PIGZ: variants seen among roughly 807,000 people sequenced by gnomAD.
PIGZ encodes phosphatidylinositol glycan anchor biosynthesis class Z (Gwada blood group), also known as GPI alpha-1,2-mannosyltransferase 4.
A neutral mutation model predicts 16.4 loss-of-function variants in PIGZ; 16 were observed. That is an observed-to-expected ratio of 0.97 (90% CI 0.66 to 1.48). PIGZ has a LOEUF of 1.48. PIGZ is among the 40% of genes most tolerant of loss of function. PIGZ has a pLI of 0.00. For synonymous variants in PIGZ, 409 were observed against 338.4 expected (o/e 1.21, Z -2.29); for missense variants, 770 against 739.2 (o/e 1.04, Z -0.48).
rs1717304668 is a variant in PIGZ, at chr3:196,951,964, A to G, written c.68T>C (p.Val23Ala). ...AGTSFQVLGP[V>A]CWQQLDLKMA... ...CTTCAGATCCAGTTGTTGCCAACAC[A>G]CCGGGCCCAAAACCTGGAATGATGT... The change falls in exon 2 of 3, where the codon GTG (valine) becomes GCG (alanine). Residue 23 changes from valine to alanine, a missense_variant. Val to Ala is a moderately conservative substitution (Grantham distance 64). Transcript: ENST00000412723. 1 of 1,614,064 alleles carries G rather than the reference A, an allele frequency of 6.2e-7. No homozygotes were observed. Among genetic ancestry groups the G allele is most frequent in the Non-Finnish European group, 8.5e-7 (1 of 1,180,040 alleles).
intron 1 of PIGZ, among the ~76,000 whole-genome samples, chr3:196,961,876 C>T (rs1190879846): frequency 6.6e-6 from 1 of 152,160 alleles, no homozygotes; most frequent in African/African-American, 2.4e-5. Flanking sequence ...ACCATCACCA[C>T]AGTCAGTTTT....
intron 2 of PIGZ, among the ~76,000 whole-genome samples, chr3:196,948,918 C>T (rs13062989): frequency 0.011 from 404 of 37,602 alleles, 55 homozygotes; most frequent in Non-Finnish European, 0.016. Flanking sequence ...CCCCTCCCTT[C>T]CCTTCCTTCC....
rs1402117938 is a variant in PIGZ at position 196,965,856 on chromosome 3, C to G, written c.-1+2831G>C. Among the ~76,000 whole-genome samples, 1 of 152,086 alleles carries G rather than the reference C, an allele frequency of 6.6e-6. No individual in the cohort carries two copies. The highest frequency in any genetic ancestry group is 1.5e-5 in the Non-Finnish European group (1 of 68,018). ...AAGCATGACCTGGAGTAGACTGCAC[C>G]GCCATCCGCCTCTCCACTTTCCCTC... On this transcript the variant is annotated intron_variant, in intron 1 of 2. Transcript: ENST00000412723. The surrounding 1 kb of genome is among the most constrained non-coding windows in gnomAD (Gnocchi z 4.2).
intron 1 of PIGZ, among the ~76,000 whole-genome samples, chr3:196,956,735 A>T (rs1717504848): frequency 6.6e-6 from 1 of 152,102 alleles, no homozygotes; most frequent in Non-Finnish European, 1.5e-5. Context: ...CTGTATCTAG[A>T]TGTTAAACCT....
intron 1 of PIGZ, among the ~76,000 whole-genome samples, chr3:196,952,655 C>G (rs984720154): frequency 2.6e-5 from 4 of 152,186 alleles, no homozygotes; most frequent in African/African-American, 9.7e-5. Flanking sequence ...TGAGGCTGGT[C>G]TTGAACTCCT....
Position 196,948,489 on chromosome 3 carries a change from A to T in PIGZ, c.408T>A (p.Leu136=). The part of the protein sequence containing the change: ...LVGPRLLLTA[L]SFALDGAVYH... ...ACACGGCCCCGTCCAGAGCAAAGGAAAGGGCAGTGAGGAGGAGTCGAGGCC... is the reference window on the plus strand; with the variant it reads ...ACACGGCCCCGTCCAGAGCAAAGGATAGGGCAGTGAGGAGGAGTCGAGGCC... Residue 136 remains leucine, a synonymous_variant, in exon 3 of 3, where the codon CTT becomes CTA. Coordinates refer to ENST00000412723, the MANE Select transcript of PIGZ (RefSeq NM_025163.4). The T allele has an allele frequency of 6.2e-7, 1 of 1,613,668 alleles. No homozygotes were observed. Among genetic ancestry groups the T allele is most frequent in the Non-Finnish European group, 8.5e-7 (1 of 1,179,804 alleles).
intron 1 of PIGZ, among the ~76,000 whole-genome samples, chr3:196,952,975 A>G (rs750552138): frequency 2.8e-4 from 42 of 152,146 alleles, no homozygotes; most frequent in Admixed American, 4.6e-4. Context: ...TCAAGCTCTC[A>G]GGCCGTCGGA....
rs778744915 is a variant in PIGZ at position 196,947,351 on chromosome 3, G to A, written c.1546C>T (p.Leu516Phe). The stretch of plus-strand genomic sequence containing the variant: ...GGGGTTACCACAAAGAGGCGGCAGA[G>A]CCATGGCCCACCAGCCACTTGGCAG... Reference protein sequence around the residue: ...PACQVAGGPWLCRLFVVTPGT... With the variant: ...PACQVAGGPWFCRLFVVTPGT... The change falls in exon 3 of 3, where the codon CTC becomes TTC. Residue 516 changes from leucine (L) to phenylalanine (F), a missense_variant. Coordinates refer to ENST00000412723, the MANE Select transcript of PIGZ (RefSeq NM_025163.4). 6.2e-7 allele frequency: 1 copy of A among 1,614,202 alleles called. No homozygotes were observed. The highest frequency in any genetic ancestry group is 1.1e-5 in the South Asian group (1 of 91,088).
chr3:196,947,488 C>G lies in PIGZ; in HGVS notation c.1409G>C (p.Arg470Pro), dbSNP rs147904272. The stretch of plus-strand genomic sequence containing the variant: ...CAGGCCTGGGAGGTGTAGGAGGTGC[C>G]GGGGGGGCATGTAGGTGTGAGTGAA... ...LLFTHTYMPP[R>P]HLLHLPGLGA... is the part of the protein sequence containing the mutation. Residue 470 changes from arginine to proline, a missense_variant, in exon 3 of 3, where the codon CGG (arginine) becomes CCG (proline). Physicochemically the swap from Arg to Pro is moderately radical, Grantham distance 103. Coordinates refer to ENST00000412723, the MANE Select transcript of PIGZ (RefSeq NM_025163.4). 6.2e-7 allele frequency: 1 copy of G among 1,613,328 alleles called. No individual in the cohort carries two copies. Among genetic ancestry groups the G allele is most frequent in the Admixed American group, 1.7e-5 (1 of 59,998 alleles).
At chr3:196,950,319 C>A (rs1456969794) in intron 2 of PIGZ, among the ~76,000 whole-genome samples, 1 of 152,158 alleles carries the variant, frequency 6.6e-6, no homozygotes, top group Non-Finnish European at 1.5e-5. Context: ...AAGAATATAT[C>A]CAAGTAGTAC....
Position 196,947,778 on chromosome 3 carries a change from G to T in PIGZ, c.1119C>A (p.Leu373=), listed in dbSNP as rs141627087. 3 of 1,608,918 alleles carry T rather than the reference G, an allele frequency of 1.9e-6. No individual in the cohort carries two copies. The African/African-American group carries it at 4.0e-5, about 22-fold the overall frequency. Residue 373 remains leucine, a synonymous_variant, in exon 3 of 3, where the codon CTC becomes CTA. Coordinates refer to ENST00000412723, the MANE Select transcript of PIGZ (RefSeq NM_025163.4). ...LSSPRSYLLL[L]YFMPLALLSA... is the part of the protein sequence containing the mutation. ...ATAGCAGGGCCAGAGGCATGAAGTA[G>T]AGGAGAAGGAGATAGGACCTGGGGC...
Position 196,947,465 on chromosome 3 carries a change from G to T in PIGZ, c.1432C>A (p.Leu478Met). Reference protein sequence around the residue: ...PPRHLLHLPGLGAPVEVVDMG... With the variant: ...PPRHLLHLPGMGAPVEVVDMG... Reference sequence around the variant, plus strand: ...TCCACCACCTCCACTGGTGCCCCCAGGCCTGGGAGGTGTAGGAGGTGCCGG... The same window carrying T: ...TCCACCACCTCCACTGGTGCCCCCATGCCTGGGAGGTGTAGGAGGTGCCGG... The change falls in exon 3 of 3, where the codon CTG becomes ATG. Residue 478 changes from leucine (L) to methionine (M), a missense_variant. Coordinates refer to ENST00000412723, the MANE Select transcript of PIGZ (RefSeq NM_025163.4). 1 of 1,613,688 alleles carries T rather than the reference G, an allele frequency of 6.2e-7. No homozygotes were observed. Among genetic ancestry groups the T allele is most frequent in the Non-Finnish European group, 8.5e-7 (1 of 1,179,996 alleles).
rs188640263 is a variant in PIGZ at position 196,965,958 on chromosome 3, G to A, written c.-1+2729C>T. On this transcript the variant is annotated intron_variant, in intron 1 of 2. Transcript: ENST00000412723. The surrounding 1 kb of genome is among the most constrained non-coding windows in gnomAD (Gnocchi z 4.2). ...CCTGTGAGAAACCTCTGGATGGGGG[G>A]CCATCCCCTCACCACCCTGAGGACC... 2.2e-4 allele frequency among the ~76,000 whole-genome samples: 33 copies of A among 152,258 alleles called. No individual in the cohort carries two copies. Among genetic ancestry groups the A allele is most frequent in the African/African-American group, 5.5e-4 (23 of 41,536 alleles).
At position 196,954,112 on chromosome 3, in the gene PIGZ, G is replaced by A. The variant is rs183036518; in HGVS notation, c.1-2081C>T. ...AGCCTGGCCAACATGGCAAAAACCT[G>A]TCTTTACCAAAAAAATACAAAATTT... On this transcript the variant is annotated intron_variant, in intron 1 of 2. Transcript: ENST00000412723. Among the ~76,000 whole-genome samples the A allele has an allele frequency of 1.2e-3, 183 of 152,110 alleles. 1 individual carries two copies. The highest frequency in any genetic ancestry group is 4.1e-3 in the African/African-American group (170 of 41,482).
At chr3:196,952,781 G>A (rs1055549741) in intron 1 of PIGZ, among the ~76,000 whole-genome samples, 2 of 152,200 alleles carry the variant, frequency 1.3e-5, no homozygotes, top group Non-Finnish European at 2.9e-5. Flanking sequence ...AGCTGCACCA[G>A]TGTGGGTGGG....
At chr3:196,960,725 A>AAAGT (rs1560188747) in intron 1 of PIGZ, among the ~76,000 whole-genome samples, 1 of 44,490 alleles carries the variant, frequency 2.2e-5, no homozygotes, top group African/African-American at 8.4e-5. Flanking sequence ...GGAAAGAAAG[A>AAAGT]AAAGAAAGAA....
At chr3:196,957,956 G>C (rs888699315) in intron 1 of PIGZ, among the ~76,000 whole-genome samples, 2 of 152,164 alleles carry the variant, frequency 1.3e-5, no homozygotes, top group Non-Finnish European at 2.9e-5. Context: ...CTGTCAAATG[G>C]CATGCAATAT....
In PIGZ at chr3:196,947,781, G is replaced by C. The variant is rs771858045; in HGVS notation, c.1116C>G (p.Leu372=). 1.2e-6 allele frequency: 2 copies of C among 1,609,378 alleles called. No individual in the cohort carries two copies. Among genetic ancestry groups the C allele is most frequent in the Non-Finnish European group, 1.7e-6 (2 of 1,177,452 alleles). ...LLSSPRSYLL[L]LYFMPLALLS... is the part of the protein sequence containing the mutation. ...GCAGGGCCAGAGGCATGAAGTAGAGGAGAAGGAGATAGGACCTGGGGCTGG... is the reference window on the plus strand; with the variant it reads ...GCAGGGCCAGAGGCATGAAGTAGAGCAGAAGGAGATAGGACCTGGGGCTGG... The change falls in exon 3 of 3, where the codon CTC becomes CTG. Residue 372 remains leucine, a synonymous_variant. Transcript: ENST00000412723.
At chr3:196,959,183 A>G (rs569829294) in intron 1 of PIGZ, among the ~76,000 whole-genome samples, 3 of 152,096 alleles carry the variant, frequency 2.0e-5, no homozygotes, top group African/African-American at 7.2e-5. Flanking sequence ...GCTGTCCTCT[A>G]TCTCACCCTC....
Sources: allele counts gnomAD v4.1 joint callset (sites outside exome capture counted in the v4.1 genomes callset), GRCh38; gene constraint gnomAD v4.1.1; non-coding constraint Gnocchi (gnomAD v3.1); transcripts MANE v1.5; gene names NCBI Gene and HGNC (gene_info 2026-07-23, HGNC 2026-07-21).